LPCAT1: variants seen among roughly 807,000 people sequenced by gnomAD.
LPCAT1 encodes lysophosphatidylcholine acyltransferase 1, also known as 1-acylglycerol-3-phosphate O-acyltransferase.
In LPCAT1, 23 loss-of-function variants were observed where a neutral mutation model predicts 60.9. The observed-to-expected ratio is 0.38, with a 90% CI of 0.27 to 0.53. The LOEUF (loss-of-function observed/expected upper bound fraction) is 0.53, where lower values mean the gene tolerates loss of function less well. Among genes scored for constraint, LPCAT1 ranks in the 20% least tolerant of loss-of-function variants. The pLI is 0.82. For synonymous variants in LPCAT1, 340 were observed against 301.1 expected, an observed-to-expected ratio of 1.13 and a Z score of -1.34; for missense variants, 622 against 723.6, an observed-to-expected ratio of 0.86 and a Z score of 1.61.
chr5:1,470,735 A>G (rs957302820), intron 12 of LPCAT1, 91 bp downstream of exon 12: 3 of 887,802 alleles, frequency 3.4e-6, no homozygotes, highest in African/African-American at 3.5e-5. Context: ...CAATTAACTG[A>G]TATTATAAGG....
rs138641934 is a variant in LPCAT1, at chr5:1,510,453, T to A, written c.136-8850A>T. Reference sequence around the variant, plus strand: ...GCGAGATGACAGTGTGTTCAGTAATTCCCTTTGGATTTGCAAATCGGCCCC... The same window carrying A: ...GCGAGATGACAGTGTGTTCAGTAATACCCTTTGGATTTGCAAATCGGCCCC... On this transcript the variant is annotated intron_variant, in intron 1 of 13. Transcript: ENST00000283415. 8.8e-4 allele frequency among the ~76,000 whole-genome samples: 134 copies of A among 152,280 alleles called. 3 individuals carry two copies. The East Asian group carries it at 0.022, about 25-fold the overall frequency.
In LPCAT1 at chr5:1,483,612, C is replaced by A; in HGVS notation, c.668-126G>T. 1.2e-6 allele frequency: 1 copy of A among 849,856 alleles called. No homozygotes were observed. Among genetic ancestry groups the A allele is most frequent in the Non-Finnish European group, 1.9e-6 (1 of 521,744 alleles). The allele number at this position is 849,856 out of a possible 1,614,324, so 52.6% of individuals were successfully genotyped here. On this transcript the variant is annotated intron_variant, in intron 5 of 13. Transcript: ENST00000283415. The surrounding 1 kb of genome is among the most constrained non-coding windows in gnomAD (Gnocchi z 9.2). ...TCTAGGCCTTCCTGGTCAGCAAGGGCACTCCATGCCTGGACTATCTCAACA... is the reference window on the plus strand; with the variant it reads ...TCTAGGCCTTCCTGGTCAGCAAGGGAACTCCATGCCTGGACTATCTCAACA...
At chr5:1,466,052 C>T (rs1043780843) in intron 13 of LPCAT1, among the ~76,000 whole-genome samples, 2 of 152,254 alleles carry the variant, frequency 1.3e-5, no homozygotes, top group African/African-American at 4.8e-5. Flanking sequence ...ACCACCCTTC[C>T]AGGTGGGGAT....
In LPCAT1 at chr5:1,517,938, T is replaced by A. The variant is rs2963276; in HGVS notation, c.135+5772A>T. On this transcript the variant is annotated intron_variant, in intron 1 of 13. Coordinates refer to ENST00000283415, the MANE Select transcript of LPCAT1 (RefSeq NM_024830.5). The stretch of plus-strand genomic sequence containing the variant: ...GGAGAGCCGCATCCGGAATGCATTC[T>A]GAACGCAGCTGTGGGCCGCCTGCCT... Among the ~76,000 whole-genome samples, 1,185 of 152,402 alleles carry A rather than the reference T, an allele frequency of 7.8e-3. 16 individuals carry two copies. Among genetic ancestry groups the A allele is most frequent in the African/African-American group, 0.027 (1,135 of 41,600 alleles).
Position 1,480,990 on chromosome 5 carries a change from G to C in LPCAT1, c.727-14C>G, listed in dbSNP as rs201514261. 9.3e-6 allele frequency: 15 copies of C among 1,613,468 alleles called. No individual in the cohort carries two copies. The East Asian group carries it at 1.6e-4, about 17-fold the overall frequency. The stretch of plus-strand genomic sequence containing the variant: ...TGTGATGGTGTCCTGGGGAGGAAGA[G>C]GCAGGGTCAGTCAGCATGGGGCCTG... On this transcript the variant is annotated splice_polypyrimidine_tract_variant and intron_variant, in intron 6 of 13. Coordinates refer to ENST00000283415, the MANE Select transcript of LPCAT1 (RefSeq NM_024830.5). This position sits in a 1 kb window ranked among gnomAD's most constrained non-coding sequence, Gnocchi z 6.4.
intron 8 of LPCAT1, 146 bp downstream of exon 8, chr5:1,479,475 C>T (rs537078748): frequency 1.3e-5 from 9 of 667,220 alleles, no homozygotes; most frequent in African/African-American, 3.6e-5. Context: ...AGAGGCTCCT[C>T]GAAGGAGCCC....
intron 1 of LPCAT1, among the ~76,000 whole-genome samples, chr5:1,516,030 C>T (rs1736496958): frequency 6.6e-6 from 1 of 152,246 alleles, no homozygotes; most frequent in Admixed American, 6.5e-5. Flanking sequence ...CCTCTGAGTG[C>T]AGGGAGGTAC....
In LPCAT1 at chr5:1,498,789, CAT is replaced by C. The variant is rs201583214; in HGVS notation, c.278+2670_278+2671del. On this transcript the variant is annotated intron_variant, in intron 2 of 13. Coordinates refer to ENST00000283415, the MANE Select transcript of LPCAT1 (RefSeq NM_024830.5). ...AACACACACAGGTACACAGCACACA[CAT>C]ATACACATGTACACACTCATATACA... Among the ~76,000 whole-genome samples, 168 of 152,336 alleles carry C rather than the reference CAT, an allele frequency of 1.1e-3. 1 individual carries two copies. The East Asian group carries it at 0.029, about 27-fold the overall frequency.
chr5:1,520,511 C>A (rs1736637449), intron 1 of LPCAT1, among the ~76,000 whole-genome samples: 1 of 152,194 alleles, frequency 6.6e-6, no homozygotes, highest in African/African-American at 2.4e-5. Context: ...AGGCATTATG[C>A]TTTCCAGGAT....
intron 3 of LPCAT1, among the ~76,000 whole-genome samples, chr5:1,493,111 A>G (rs1735653119): frequency 6.6e-6 from 1 of 152,238 alleles, no homozygotes; most frequent in Admixed American, 6.5e-5. Context: ...TGGTGCCTGC[A>G]GTCCAGTCTC....
At position 1,468,405 on chromosome 5, in the gene LPCAT1, C is replaced by G. The variant is rs541978568; in HGVS notation, c.1279-1515G>C. 1.6e-4 allele frequency among the ~76,000 whole-genome samples: 24 copies of G among 152,374 alleles called. No individual in the cohort carries two copies. In the East Asian group the frequency reaches 4.0e-3, roughly 26 times the overall value. On this transcript the variant is annotated intron_variant, in intron 12 of 13. Transcript: ENST00000283415. The stretch of plus-strand genomic sequence containing the variant: ...GGGCCACGGCCTCCAGCTCCTCGGC[C>G]GACCTGGATCCCACTCAGCCCCCAG...
At chr5:1,516,784 C>A (rs529024404) in intron 1 of LPCAT1, among the ~76,000 whole-genome samples, 48 of 152,328 alleles carry the variant, frequency 3.2e-4, no homozygotes, top group Non-Finnish European at 6.5e-4. Context: ...CCAGCAGTGT[C>A]TCCCCACACA....
At position 1,520,982 on chromosome 5, in the gene LPCAT1, G is replaced by A. The variant is rs543988706; in HGVS notation, c.135+2728C>T. ...CCAAGGAAAGTACCGAGAAAACCCT[G>A]GGTGACAGAAACCACTTCATGACTC... On this transcript the variant is annotated intron_variant, in intron 1 of 13. Coordinates refer to ENST00000283415, the MANE Select transcript of LPCAT1 (RefSeq NM_024830.5). Among the ~76,000 whole-genome samples, 7 of 151,856 alleles carry A rather than the reference G, an allele frequency of 4.6e-5. No homozygotes were observed. The South Asian group carries it at 1.5e-3, about 32-fold the overall frequency.
intron 1 of LPCAT1, among the ~76,000 whole-genome samples, chr5:1,507,145 C>T (rs901658812): frequency 6.6e-6 from 1 of 152,188 alleles, no homozygotes; most frequent in Non-Finnish European, 1.5e-5. Flanking sequence ...GACCACGCTC[C>T]TGGTCACCAT....
chr5:1,470,643 T>C (rs1374959180), intron 12 of LPCAT1, among the ~76,000 whole-genome samples, 183 bp downstream of exon 12: 2 of 152,192 alleles, frequency 1.3e-5, no homozygotes, highest in Admixed American at 6.5e-5. Context: ...CAGGAAGAAA[T>C]AAATCTGGGA....
rs1195616774 is a variant in LPCAT1 at position 1,489,128 on chromosome 5, G to C, written c.606+618C>G. Among the ~76,000 whole-genome samples the C allele has an allele frequency of 2.6e-5, 4 of 152,346 alleles. No individual in the cohort carries two copies. The East Asian group carries it at 7.7e-4, about 29-fold the overall frequency. On this transcript the variant is annotated intron_variant, in intron 4 of 13. Transcript: ENST00000283415. ...AGGGCCAGGCAGGCCAAATGGGTGG[G>C]GGAGGAGACTGCCTGTGCTTGTGGG...
chr5:1,465,132 C>G (rs1477118735), intron 13 of LPCAT1, among the ~76,000 whole-genome samples: 2 of 147,372 alleles, frequency 1.4e-5, no homozygotes, highest in Non-Finnish European at 3.0e-5. Context: ...ACACACAAAA[C>G]AAGCGCAGGC....
intron 1 of LPCAT1, among the ~76,000 whole-genome samples, chr5:1,508,990 G>A (rs573856398): frequency 2.3e-4 from 35 of 152,382 alleles, no homozygotes; most frequent in African/African-American, 5.8e-4. Context: ...TCACGCCATC[G>A]CGGTGCCCGA....
intron 1 of LPCAT1, among the ~76,000 whole-genome samples, chr5:1,510,261 T>G (rs972032962): frequency 5.3e-5 from 8 of 152,344 alleles, no homozygotes; most frequent in African/African-American, 1.7e-4. Context: ...TAAAGCTGTT[T>G]CTTCTTCGCT....
Sources: allele counts gnomAD v4.1 joint callset (sites outside exome capture counted in the v4.1 genomes callset), GRCh38; gene constraint gnomAD v4.1.1; non-coding constraint Gnocchi (gnomAD v3.1); transcripts MANE v1.5; gene names NCBI Gene and HGNC (gene_info 2026-07-23, HGNC 2026-07-21).